The following KALRN variants were observed in gnomAD, a reference collection of about 807,000 sequenced individuals.
KALRN encodes kalirin.
In KALRN, 70 loss-of-function variants were observed where a neutral mutation model predicts 353.7. That is an observed-to-expected ratio of 0.20 (90% CI 0.16 to 0.24). The LOEUF is 0.24. Ranked by LOEUF, KALRN falls within the 10% of genes least tolerant of loss-of-function variation. KALRN has a pLI of 1.00. For missense variants in KALRN, 2,791 were observed against 3,756.7 expected (o/e 0.74, Z 6.72); for synonymous variants, 1,391 against 1,434.8 (o/e 0.97, Z 0.69).
At chr3:124,488,501 C>T (rs1056590627) in intron 29 of KALRN, 186 bp downstream of exon 29, 2 of 572,834 alleles carry the variant, frequency 3.5e-6, no homozygotes, top group Admixed American at 5.9e-5. Flanking sequence ...GGCTAGCACC[C>T]TGCTTCTAGG....
In KALRN at chr3:124,077,624, C is replaced by T. The variant is rs546278289; in HGVS notation, c.73+43811C>T. ...CTCTGAATCCCCTTGCCAGTTCTAC[C>T]GCCACTCTCCAGTTCAGAAGTTTAA... On this transcript the variant is annotated intron_variant, in intron 1 of 59. Transcript: ENST00000682506. Among the ~76,000 whole-genome samples, 9 of 152,308 alleles carry T rather than the reference C, an allele frequency of 5.9e-5. No homozygotes were observed. In the East Asian group the frequency reaches 1.5e-3, roughly 26 times the overall value.
chr3:124,402,771 T>C (rs2091036295), intron 13 of KALRN, among the ~76,000 whole-genome samples: 1 of 152,240 alleles, frequency 6.6e-6, no homozygotes, highest in Non-Finnish European at 1.5e-5. Flanking sequence ...TTTAGTTTTT[T>C]CATTAGAAAT....
At chr3:124,447,671 A>G (rs1367770501) in intron 21 of KALRN, among the ~76,000 whole-genome samples, 1 of 152,192 alleles carries the variant, frequency 6.6e-6, no homozygotes, top group East Asian at 1.9e-4. Context: ...GTTGGGGTCA[A>G]GGTGGGAAAC....
intron 1 of KALRN, among the ~76,000 whole-genome samples, chr3:124,139,600 G>A (rs1313777976): frequency 6.6e-6 from 1 of 152,146 alleles, no homozygotes; most frequent in Non-Finnish European, 1.5e-5. Context: ...GAGCCTTAGG[G>A]CACAGTGAGA....
chr3:124,192,554 A>G (rs2075037311), intron 1 of KALRN, among the ~76,000 whole-genome samples: 1 of 152,222 alleles, frequency 6.6e-6, no homozygotes, highest in South Asian at 2.1e-4. Flanking sequence ...CGAAGGATAA[A>G]TGCTTGAGAG....
chr3:124,219,828 C>T (rs1209602379), intron 1 of KALRN, among the ~76,000 whole-genome samples: 2 of 151,950 alleles, frequency 1.3e-5, no homozygotes, highest in Non-Finnish European at 2.9e-5. Flanking sequence ...TGGGTCTCCA[C>T]ACTGTGCTGT....
intron 10 of KALRN, among the ~76,000 whole-genome samples, chr3:124,360,059 C>T (rs2083852451): frequency 6.6e-6 from 1 of 152,204 alleles, no homozygotes; most frequent in East Asian, 1.9e-4. Flanking sequence ...TGCCTAGGGG[C>T]AGGGAACACC....
chr3:124,139,655 CCTGG>C (rs1236568036), intron 1 of KALRN, among the ~76,000 whole-genome samples: 1 of 152,054 alleles, frequency 6.6e-6, no homozygotes, highest in Admixed American at 6.5e-5. Context: ...AACCAGAGCA[CCTGG>C]GGGTTCCCTT....
chr3:124,289,742 T>C (rs1156974455), intron 5 of KALRN, among the ~76,000 whole-genome samples: 1 of 152,226 alleles, frequency 6.6e-6, no homozygotes, highest in Non-Finnish European at 1.5e-5. Context: ...GCCAATTTAT[T>C]TGGCTTCTTA....
chr3:124,389,598 T>C (rs1215248992), intron 11 of KALRN, among the ~76,000 whole-genome samples: 1 of 152,254 alleles, frequency 6.6e-6, no homozygotes, highest in African/African-American at 2.4e-5. Flanking sequence ...TCACATTGGG[T>C]GATTTCGTTA....
In KALRN at chr3:124,719,168, G is replaced by A. The variant is rs759580809; in HGVS notation, c.8659G>A (p.Glu2887Lys). The stretch of plus-strand genomic sequence containing the variant: ...CCCCTTCTTGGATGAGAGCAAAGAG[G>A]AGACATGTATCAACGTATGCAGGGT... Reference protein sequence around the residue: ...VSPFLDESKEETCINVCRVDF... With the variant: ...VSPFLDESKEKTCINVCRVDF... Residue 2887 changes from glutamate to lysine, a missense_variant, in exon 60 of 60, where the codon GAG becomes AAG. Around this residue, in one of 11 missense-constraint regions of KALRN, gnomAD observed 188 missense variants for 402.9 expected, o/e 0.47. Coordinates refer to ENST00000682506, the MANE Select transcript of KALRN (RefSeq NM_001388419.1). This position sits in a 1 kb window ranked among gnomAD's most constrained non-coding sequence, Gnocchi z 5.3. 1 of 1,614,266 alleles carries A rather than the reference G, an allele frequency of 6.2e-7. No individual in the cohort carries two copies. Among genetic ancestry groups the A allele is most frequent in the Non-Finnish European group, 8.5e-7 (1 of 1,180,046 alleles).
intron 5 of KALRN, among the ~76,000 whole-genome samples, chr3:124,271,066 C>T (rs557017508): frequency 1.5e-4 from 23 of 152,260 alleles, no homozygotes; most frequent in South Asian, 6.2e-4. Flanking sequence ...CTCCTGACCT[C>T]GTGATCCACT....
At chr3:124,311,616 C>A (rs1332739373) in intron 6 of KALRN, among the ~76,000 whole-genome samples, 1 of 152,122 alleles carries the variant, frequency 6.6e-6, no homozygotes, top group African/African-American at 2.4e-5. Context: ...TGCCATATGA[C>A]CTAGTAATTC....
intron 6 of KALRN, among the ~76,000 whole-genome samples, chr3:124,316,264 G>A (rs1334679501): frequency 6.6e-6 from 1 of 152,118 alleles, no homozygotes; most frequent in Non-Finnish European, 1.5e-5. Flanking sequence ...CTCCTACCTG[G>A]TCTCTCTGCC....
chr3:124,641,226 C>T (rs58563555), intron 37 of KALRN, among the ~76,000 whole-genome samples: 9,337 of 152,158 alleles, frequency 0.061, 414 homozygotes, highest in African/African-American at 0.12. Context: ...GAGTCACCAC[C>T]CACCCATGAG....
intron 1 of KALRN, among the ~76,000 whole-genome samples, chr3:124,165,777 T>C (rs930210646): frequency 6.6e-6 from 1 of 152,240 alleles, no homozygotes; most frequent in Non-Finnish European, 1.5e-5. Context: ...TCATGTCTCT[T>C]GGGCTTAATG....
chr3:124,407,342 A>G (rs1009039092), intron 13 of KALRN, among the ~76,000 whole-genome samples: 2 of 152,036 alleles, frequency 1.3e-5, no homozygotes, highest in Non-Finnish European at 2.9e-5. Context: ...ATTTGCTTCC[A>G]GGTTTTAAGC....
chr3:124,446,948 C>T, intron 21 of KALRN, 63 bp downstream of exon 21: 11 of 1,578,446 alleles, frequency 7.0e-6, no homozygotes, highest in South Asian at 1.2e-5. Context: ...GCCAATTTCA[C>T]ATTATGGAAG....
chr3:124,453,317 A>C (rs1308558118), intron 21 of KALRN, among the ~76,000 whole-genome samples: 1 of 152,142 alleles, frequency 6.6e-6, no homozygotes, highest in Non-Finnish European at 1.5e-5. Context: ...GCACCAGCCT[A>C]CTGTCCTGAG....
Sources: allele counts gnomAD v4.1 joint callset (sites outside exome capture counted in the v4.1 genomes callset), GRCh38; gene constraint gnomAD v4.1.1; regional missense constraint gnomAD v4.1.1; non-coding constraint Gnocchi (gnomAD v3.1); transcripts MANE v1.5; gene names NCBI Gene and HGNC (gene_info 2026-07-23, HGNC 2026-07-21).